MAST2: variants seen among roughly 807,000 people sequenced by gnomAD.
The protein encoded by MAST2 is microtubule-associated serine/threonine-protein kinase 2.
In MAST2, 70 loss-of-function variants were observed where a neutral mutation model predicts 147.4. The observed-to-expected ratio is 0.47, with a 90% CI of 0.39 to 0.58. MAST2 has a LOEUF of 0.58. Ranked by LOEUF, MAST2 falls within the 20% of genes least tolerant of loss-of-function variation. The probability of loss-of-function intolerance (pLI) is 0.00; values close to 1 mark genes in which losing one functional copy is unlikely to be tolerated. For synonymous variants in MAST2, 869 were observed against 896.8 expected (o/e 0.97, Z 0.55); for missense variants, 2,080 against 2,302.3 (o/e 0.90, Z 1.98).
At chr1:46,005,443 G>C (rs1645447870) in intron 7 of MAST2, among the ~76,000 whole-genome samples, 1 of 151,872 alleles carries the variant, frequency 6.6e-6, no homozygotes, top group South Asian at 2.1e-4. Context: ...TGTTCTCTTT[G>C]TCAGTCTTGT....
intron 8 of MAST2, among the ~76,000 whole-genome samples, chr1:46,008,070 A>G (rs916883054): frequency 3.3e-5 from 5 of 152,156 alleles, no homozygotes; most frequent in African/African-American, 1.2e-4. Flanking sequence ...AGCCTAGAAG[A>G]GGTCTTTGTG....
At chr1:46,034,506 T>TTGTCTGTC (rs748196521) in intron 28 of MAST2, 32 bp from the exon 29 acceptor site, 2 of 1,586,542 alleles carry the variant, frequency 1.3e-6, no homozygotes, top group South Asian at 2.3e-5. Flanking sequence ...TGCTCTGCTT[T>TTGTCTGTC]TGTCTGTCTG....
Position 46,029,934 on chromosome 1 carries a change from T to C in MAST2, c.2424T>C (p.Asp808=), listed in dbSNP as rs2149329121. ...AEFIPQLESE[D]DTSYFDTRSE... is the part of the protein sequence containing the mutation. The stretch of plus-strand genomic sequence containing the variant: ...TTATTCCTCAGTTGGAGTCAGAGGA[T>C]GATACTAGCTATTTTGACAGTAAGG... Residue 808 remains aspartate (D), a synonymous_variant, in exon 20 of 29, where the codon GAT becomes GAC. Transcript: ENST00000361297. 1 of 1,614,196 alleles carries C rather than the reference T, an allele frequency of 6.2e-7. No individual in the cohort carries two copies. Among genetic ancestry groups the C allele is most frequent in the Non-Finnish European group, 8.5e-7 (1 of 1,180,038 alleles).
chr1:46,005,694 T>C (rs1645457470), intron 7 of MAST2, among the ~76,000 whole-genome samples: 1 of 152,228 alleles, frequency 6.6e-6, no homozygotes, highest in Non-Finnish European at 1.5e-5. Context: ...CTGGATTTTC[T>C]TGCCTGCTGG....
rs750615708 is a variant in MAST2, at chr1:46,028,929, C to T, written c.2214C>T (p.Ile738=). 5 of 1,591,404 alleles carry T rather than the reference C, an allele frequency of 3.1e-6. No homozygotes were observed. The Admixed American group carries it at 5.2e-5, about 17-fold the overall frequency. The change falls in exon 18 of 29, where the codon ATC becomes ATT. Residue 738 remains isoleucine (I), a synonymous_variant. Transcript: ENST00000361297. ...CGGAGGAGCTCTTTGGGCAGGTGAT[C>T]AGTGGTAGGTACTATGCCCCTGGCC... ...DTPEELFGQV[I]SDEIVWPEGD...
intron 5 of MAST2, among the ~76,000 whole-genome samples, chr1:45,980,445 A>G (rs1183600732): frequency 1.3e-5 from 2 of 152,144 alleles, no homozygotes; most frequent in Admixed American, 1.3e-4. Flanking sequence ...CTGAAAGTGT[A>G]CCCGCTGAAT....
At chr1:45,818,931 G>C (rs944137567) in intron 1 of MAST2, among the ~76,000 whole-genome samples, 23 of 152,152 alleles carry the variant, frequency 1.5e-4, no homozygotes, top group African/African-American at 5.6e-4. Flanking sequence ...ACATTAAAAT[G>C]ATGTATAATA....
At chr1:45,892,957 C>A (rs1358409964) in intron 4 of MAST2, among the ~76,000 whole-genome samples, 1 of 152,116 alleles carries the variant, frequency 6.6e-6, no homozygotes, top group Non-Finnish European at 1.5e-5. Flanking sequence ...AGGGAAAAAT[C>A]TTTATGTATA....
intron 5 of MAST2, among the ~76,000 whole-genome samples, chr1:45,995,267 C>A (rs1218578438): frequency 6.6e-6 from 1 of 152,172 alleles, no homozygotes; most frequent in African/African-American, 2.4e-5. Flanking sequence ...CTGAGCTCCA[C>A]CAAGCTCTAG....
chr1:45,903,839 A>G (rs1473725277), intron 4 of MAST2, among the ~76,000 whole-genome samples: 1 of 152,172 alleles, frequency 6.6e-6, no homozygotes, highest in Non-Finnish European at 1.5e-5. Flanking sequence ...GCTTTAAGAG[A>G]CCCTAAGCAA....
At chr1:45,944,132 G>A (rs969165239) in intron 4 of MAST2, among the ~76,000 whole-genome samples, 1 of 152,156 alleles carries the variant, frequency 6.6e-6, no homozygotes, top group African/African-American at 2.4e-5. Flanking sequence ...GCTTGGATTT[G>A]AGCCATGATT....
chr1:46,001,036 A>G (rs1645254185), intron 6 of MAST2: 7 of 1,245,984 alleles, frequency 5.6e-6, no homozygotes, highest in Admixed American at 4.6e-5. Flanking sequence ...TGGCCAGACA[A>G]TATGGTTTGT....
chr1:45,887,184 C>T (rs1440051274), intron 4 of MAST2, among the ~76,000 whole-genome samples: 1 of 152,166 alleles, frequency 6.6e-6, no homozygotes, highest in African/African-American at 2.4e-5. Context: ...CATTTGGGAG[C>T]TTAATGTAAA....
chr1:45,823,678 T>C (rs1644705808), intron 1 of MAST2, among the ~76,000 whole-genome samples: 1 of 152,212 alleles, frequency 6.6e-6, no homozygotes, highest in Non-Finnish European at 1.5e-5. Flanking sequence ...TCTAGATCAG[T>C]TTGATGTGTT....
chr1:45,867,265 C>T (rs1646193795), intron 3 of MAST2, among the ~76,000 whole-genome samples: 1 of 152,174 alleles, frequency 6.6e-6, no homozygotes, highest in Non-Finnish European at 1.5e-5. Flanking sequence ...TACAGGTAAT[C>T]TACTGGGTAA....
intron 6 of MAST2, among the ~76,000 whole-genome samples, chr1:46,000,632 C>T (rs983309764): frequency 2.0e-5 from 3 of 152,104 alleles, no homozygotes; most frequent in Non-Finnish European, 2.9e-5. Context: ...CTGGGCTGTC[C>T]TCTTATACAA....
chr1:45,846,006 C>T (rs570549595), intron 3 of MAST2, among the ~76,000 whole-genome samples: 8 of 152,186 alleles, frequency 5.3e-5, no homozygotes, highest in African/African-American at 1.2e-4. Flanking sequence ...GTGATCTGCC[C>T]GCCTCGGCCT....
At chr1:45,874,316 G>A (rs765284383) in intron 3 of MAST2, among the ~76,000 whole-genome samples, 16 of 152,006 alleles carry the variant, frequency 1.1e-4, no homozygotes, top group Non-Finnish European at 1.9e-4. Context: ...TTTGGGAGGC[G>A]GAGGCAAGTG....
At chr1:45,948,709 A>C (rs1658476392) in intron 4 of MAST2, among the ~76,000 whole-genome samples, 2 of 99,086 alleles carry the variant, frequency 2.0e-5, no homozygotes, top group Non-Finnish European at 4.8e-5. Context: ...TCCATCTCAA[A>C]AAAAAAAAAA....
Sources: allele counts gnomAD v4.1 joint callset (sites outside exome capture counted in the v4.1 genomes callset), GRCh38; gene constraint gnomAD v4.1.1; transcripts MANE v1.5; gene names NCBI Gene and HGNC (gene_info 2026-07-23, HGNC 2026-07-21).